Variants in ZSCAN23 observed in about 807,000 individuals in gnomAD.
ZSCAN23 encodes zinc finger and SCAN domain containing 23.
In ZSCAN23, 19 loss-of-function variants were observed where a neutral mutation model predicts 19.3. The ratio of observed to expected loss-of-function variants is 0.99; its 90% CI spans 0.69 to 1.45. The LOEUF (loss-of-function observed/expected upper bound fraction) is 1.45. Among genes scored for constraint, ZSCAN23 ranks in the 40% most tolerant of loss-of-function variants. ZSCAN23 has a pLI of 0.00. For synonymous variants in ZSCAN23, 140 were observed against 166.2 expected, an observed-to-expected ratio of 0.84 and a Z score of 1.21; for missense variants, 372 against 462.5, an observed-to-expected ratio of 0.80 and a Z score of 1.79.
At chr6:28,435,319 G>T in intron 3 of ZSCAN23, 141 bp downstream of exon 3, 1 of 1,218,060 alleles carries the variant, frequency 8.2e-7, no homozygotes. Context: ...CGTGAGAGTG[G>T]GGACCACATC....
the ZSCAN23 span, among the ~76,000 whole-genome samples, chr6:28,424,697 C>T: frequency 6.6e-6 from 1 of 152,340 alleles, no homozygotes; most frequent in African/African-American, 2.4e-5. Flanking sequence ...CTCATCCATT[C>T]AAATTTTATC....
intron 1 of ZSCAN23, among the ~76,000 whole-genome samples, chr6:28,439,581 TC>T (rs1283426943): frequency 6.6e-6 from 1 of 152,136 alleles, no homozygotes; most frequent in Non-Finnish European, 1.5e-5. Context: ...TATAACGAAG[TC>T]CCTAGTCTCA....
the ZSCAN23 span, among the ~76,000 whole-genome samples, chr6:28,425,577 CTT>C: frequency 6.6e-6 from 1 of 152,176 alleles, no homozygotes; most frequent in African/African-American, 2.4e-5. Context: ...ATCCTCCTGA[CTT>C]GGCCTCTCAA....
At position 28,434,163 on chromosome 6, in the gene ZSCAN23, T is replaced by C; in HGVS notation, c.*302A>G. The stretch of plus-strand genomic sequence containing the variant: ...AGCCTACATATAACTATTTTAAACT[T>C]TTAAAAAAAGTTTTTAAAAACTAGG... On this transcript the variant is annotated 3_prime_UTR_variant, in exon 4 of 4. Transcript: ENST00000289788. 4.0e-6 allele frequency: 1 copy of C among 250,350 alleles called. No homozygotes were observed. Among genetic ancestry groups the C allele is most frequent in the East Asian group, 7.6e-5 (1 of 13,208 alleles). The allele number at this position is 250,350 out of a possible 1,614,324, so 15.5% of individuals were successfully genotyped here. A position where few individuals can be genotyped will look rare whatever the true frequency, so the allele number is the denominator to read the frequency against.
At chr6:28,438,157 CA>C (rs1761930612) in intron 1 of ZSCAN23, among the ~76,000 whole-genome samples, 1 of 152,012 alleles carries the variant, frequency 6.6e-6, no homozygotes, top group African/African-American at 2.4e-5. Flanking sequence ...AGTACAGTGG[CA>C]CAATCTCAGC....
intron 2 of ZSCAN23, 21 bp from the exon 3 acceptor site, chr6:28,435,628 T>C (rs755592564): frequency 1.1e-5 from 17 of 1,546,042 alleles, no homozygotes; most frequent in Admixed American, 8.0e-5. Context: ...TCAAGGACAG[T>C]TGGGAACCCA....
chr6:28,436,399 G>A lies in ZSCAN23; in HGVS notation c.-77-56C>T, dbSNP rs556952979. ...AAAAATGCAGAAAACCTCAGGACAA[G>A]GAGGGACTGGAGTATTTACACTAAA... On this transcript the variant is annotated intron_variant, in intron 1 of 3. Transcript: ENST00000289788. The A allele has an allele frequency of 5.1e-5, 46 of 895,528 alleles. No individual in the cohort carries two copies. In the East Asian group the frequency reaches 7.0e-4, roughly 14 times the overall value. The allele number at this position is 895,528 out of a possible 1,614,324, so 55.5% of individuals were successfully genotyped here. A position where few individuals can be genotyped will look rare whatever the true frequency, so the allele number is the denominator to read the frequency against.
downstream of ZSCAN23, among the ~76,000 whole-genome samples, chr6:28,429,488 T>G (rs1195311923): frequency 6.6e-6 from 1 of 152,190 alleles, no homozygotes; most frequent in Non-Finnish European, 1.5e-5. Context: ...ATGAAAACTC[T>G]GAAAAAACTG....
chr6:28,435,824 T>C, intron 2 of ZSCAN23, 35 bp downstream of exon 2: 1 of 1,522,968 alleles, frequency 6.6e-7, no homozygotes, highest in Non-Finnish European at 8.8e-7. Context: ...TACTTGTTCT[T>C]ATAGGTACAA....
chr6:28,431,706 T>C (rs1168443872), downstream of ZSCAN23, among the ~76,000 whole-genome samples: 1 of 152,226 alleles, frequency 6.6e-6, no homozygotes. Flanking sequence ...TCCTCCATTT[T>C]ATGGAAAGTA....
chr6:28,441,857 G>A (rs1762007684), intron 1 of ZSCAN23, among the ~76,000 whole-genome samples: 1 of 150,042 alleles, frequency 6.7e-6, no homozygotes, highest in Non-Finnish European at 1.5e-5. Context: ...AGAGAACACA[G>A]GCAGATCTGG....
intron 2 of ZSCAN23, 42 bp downstream of exon 2, chr6:28,435,817 T>G: frequency 6.6e-7 from 1 of 1,513,442 alleles, no homozygotes; most frequent in East Asian, 2.3e-5. Flanking sequence ...AACCCCATAC[T>G]TGTTCTTATA....
downstream of ZSCAN23, among the ~76,000 whole-genome samples, chr6:28,429,795 G>A (rs1259752142): frequency 1.3e-5 from 2 of 152,180 alleles, no homozygotes; most frequent in Admixed American, 6.5e-5. Flanking sequence ...CACCCCCTCC[G>A]AGTACCGTTA....
Position 28,433,659 on chromosome 6 carries a change from T to C in ZSCAN23, c.*806A>G, listed in dbSNP as rs1761807689. 1 of 152,146 alleles carries C rather than the reference T, an allele frequency of 6.6e-6. No homozygotes were observed. Among genetic ancestry groups the C allele is most frequent in the Non-Finnish European group, 1.5e-5 (1 of 68,008 alleles). 9.4% of individuals were successfully genotyped at this position (152,146 alleles called of 1,614,324 possible). On this transcript the variant is annotated 3_prime_UTR_variant, in exon 4 of 4. Coordinates refer to ENST00000289788, the MANE Select transcript of ZSCAN23 (RefSeq NM_001012455.2). The stretch of plus-strand genomic sequence containing the variant: ...ACATGAAAGAGTGATCATACTCTTC[T>C]CTTCAATCTTGAATATGTTTCAAAT...
intron 1 of ZSCAN23, among the ~76,000 whole-genome samples, chr6:28,439,679 A>G (rs193291546): frequency 4.1e-4 from 63 of 152,338 alleles, no homozygotes; most frequent in African/African-American, 1.3e-3. Flanking sequence ...GATGCTTTAT[A>G]TATATTAACC....
At chr6:28,423,159 G>A in the ZSCAN23 span, among the ~76,000 whole-genome samples, 2 of 152,278 alleles carry the variant, frequency 1.3e-5, 1 homozygote, top group South Asian at 4.1e-4. Context: ...CGATGGGAGG[G>A]CAGAAAGCAG....
chr6:28,442,831 G>A (rs1762028174), intron 1 of ZSCAN23, among the ~76,000 whole-genome samples: 1 of 152,192 alleles, frequency 6.6e-6, no homozygotes, highest in African/African-American at 2.4e-5. Context: ...ACAGAGAGGT[G>A]GGGTGTAGTC....
At chr6:28,432,620 G>T (rs1761781539), downstream of ZSCAN23, 1 of 151,942 alleles carries the variant, frequency 6.6e-6, no homozygotes, top group African/African-American at 2.4e-5. Context: ...AATTTAACTT[G>T]GACTAAACTG....
downstream of ZSCAN23, among the ~76,000 whole-genome samples, chr6:28,428,012 G>C (rs992644849): frequency 6.6e-5 from 10 of 152,178 alleles, no homozygotes; most frequent in African/African-American, 2.4e-4. Context: ...GGAGGCGGAG[G>C]TTGTGGTGAG....
Sources: allele counts gnomAD v4.1 joint callset (sites outside exome capture counted in the v4.1 genomes callset), GRCh38; gene constraint gnomAD v4.1.1; transcripts MANE v1.5; gene names NCBI Gene and HGNC (gene_info 2026-07-23, HGNC 2026-07-21).